The following ABCA12 variants were observed in gnomAD, a reference collection of about 807,000 sequenced individuals.
ABCA12 encodes ATP binding cassette subfamily A member 12.
In ABCA12, 156 loss-of-function variants were observed where a neutral mutation model predicts 293.5. That is an observed-to-expected ratio of 0.53 (90% confidence interval 0.47 to 0.61). The LOEUF (loss-of-function observed/expected upper bound fraction) is 0.61. ABCA12 is among the 20% of genes least tolerant of loss of function. ABCA12 has a pLI of 0.00. For missense variants in ABCA12, 2,797 were observed against 3,090.2 expected, an observed-to-expected ratio of 0.91 and a Z score of 2.25; for synonymous variants, 1,063 against 1,108.0, an observed-to-expected ratio of 0.96 and a Z score of 0.81.
intron 39 of ABCA12, among the ~76,000 whole-genome samples, chr2:214,964,156 G>A (rs375744558): frequency 2.6e-5 from 4 of 151,976 alleles, no homozygotes; most frequent in Admixed American, 6.6e-5. Context: ...CCATAGACGC[G>A]GATAAGGCAT....
At chr2:215,020,538 G>C (rs1314609802) in intron 11 of ABCA12, among the ~76,000 whole-genome samples, 1 of 152,168 alleles carries the variant, frequency 6.6e-6, no homozygotes, top group Non-Finnish European at 1.5e-5. Context: ...GGAAGTAGAA[G>C]ATGAGGAGTT....
chr2:215,091,365 A>T (rs1575037841), intron 2 of ABCA12, among the ~76,000 whole-genome samples: 1 of 152,212 alleles, frequency 6.6e-6, no homozygotes, highest in South Asian at 2.1e-4. Context: ...GCCCTCCCCA[A>T]CCTGCCCAAT....
At chr2:214,945,330 C>T (rs1209696143) in intron 48 of ABCA12, among the ~76,000 whole-genome samples, 1 of 152,064 alleles carries the variant, frequency 6.6e-6, no homozygotes, top group Non-Finnish European at 1.5e-5. Context: ...GAAGTTGACA[C>T]CCTGTTACTT....
chr2:215,052,621 A>T, intron 4 of ABCA12, 37 bp from the exon 5 acceptor site: 1 of 1,507,456 alleles, frequency 6.6e-7, no homozygotes, highest in South Asian at 1.1e-5. Flanking sequence ...CATTCCACAC[A>T]CACACACACA....
intron 2 of ABCA12, among the ~76,000 whole-genome samples, chr2:215,078,232 T>C (rs1218039413): frequency 6.6e-6 from 1 of 152,174 alleles, no homozygotes; most frequent in African/African-American, 2.4e-5. Flanking sequence ...TGCAGTTTCT[T>C]AAGATTTTTA....
chr2:214,958,360 G>C lies in ABCA12; in HGVS notation c.6034C>G (p.His2012Asp), dbSNP rs764606171. The C allele has an allele frequency of 6.2e-7, 1 of 1,614,012 alleles. No individual in the cohort carries two copies. Among genetic ancestry groups the C allele is most frequent in the South Asian group, 1.1e-5 (1 of 91,080 alleles). The stretch of plus-strand genomic sequence containing the variant: ...TGCAACTGTTTGGCTTTGGTTTGAT[G>C]TTCCCTTACAACATAGGTGACAAAG... ...ASFVTYVVRE[H>D]QTKAKQLQHI... Residue 2012 changes from histidine to aspartate, a missense_variant, in exon 41 of 53, where the codon CAT (histidine) becomes GAT (aspartate). Physicochemically the swap from His to Asp is moderately conservative, Grantham distance 81. Around this residue, in one of 3 missense-constraint regions of ABCA12, gnomAD observed 2,130 missense variants for 2,427.0 expected, o/e 0.88. Coordinates refer to ENST00000272895, the MANE Select transcript of ABCA12 (RefSeq NM_173076.3).
rs141323616 is a variant in ABCA12, at chr2:214,988,726, A to G, written c.3829+603T>C. Among the ~76,000 whole-genome samples the G allele has an allele frequency of 9.4e-3, 1,435 of 152,236 alleles. 12 individuals are homozygous for G. The highest frequency in any genetic ancestry group is 0.017 in the Non-Finnish European group (1,136 of 68,006). On this transcript the variant is annotated intron_variant, in intron 26 of 52. Coordinates refer to ENST00000272895, the MANE Select transcript of ABCA12 (RefSeq NM_173076.3). ...TTTAGAGAGACTGGATTGATTTGACACTATTCTAAGCTTCTTAATTCACTC... is the reference window on the plus strand; with the variant it reads ...TTTAGAGAGACTGGATTGATTTGACGCTATTCTAAGCTTCTTAATTCACTC...
intron 2 of ABCA12, among the ~76,000 whole-genome samples, chr2:215,083,321 AAG>A (rs1473988702): frequency 1.3e-5 from 2 of 152,204 alleles, no homozygotes; most frequent in Admixed American, 6.5e-5. Flanking sequence ...TTTATAAGGA[AAG>A]GAGGCTGCAT....
chr2:214,988,452 G>T (rs2105973684), intron 26 of ABCA12, among the ~76,000 whole-genome samples: 1 of 152,260 alleles, frequency 6.6e-6, no homozygotes, highest in South Asian at 2.1e-4. Context: ...GGCAATCATT[G>T]ATCTGCCTTC....
chr2:214,993,459 G>A lies in ABCA12; in HGVS notation c.3295-2428C>T, dbSNP rs370853466. On this transcript the variant is annotated intron_variant, in intron 23 of 52. Transcript: ENST00000272895. ...CCCTACCCCATTTGAAAAAATTACT[G>A]TGTCATGTTTGGCGACTATTTCAGA... is the stretch of plus-strand genomic sequence containing the variant. Among the ~76,000 whole-genome samples, 10 of 152,294 alleles carry A rather than the reference G, an allele frequency of 6.6e-5. No individual in the cohort carries two copies. The East Asian group carries it at 1.7e-3, about 26-fold the overall frequency.
chr2:214,937,609 T>G lies in ABCA12; in HGVS notation c.7443A>C (p.Gly2481=), dbSNP rs149660639. 9 of 1,613,314 alleles carry G rather than the reference T, an allele frequency of 5.6e-6. No individual in the cohort carries two copies. In the African/African-American group the frequency reaches 1.2e-4, roughly 22 times the overall value. Residue 2481 remains glycine, a synonymous_variant, in exon 51 of 53, where the codon GGA becomes GGC. Coordinates refer to ENST00000272895, the MANE Select transcript of ABCA12 (RefSeq NM_173076.3). ...GSLQHIKSRF[G]RGFTVKVHLK... The stretch of plus-strand genomic sequence containing the variant: ...AGTGAACTTTGACAGTAAATCCTCG[T>G]CCAAACCTAGAAAGAAAAAGTGCAA...
intron 23 of ABCA12, among the ~76,000 whole-genome samples, chr2:214,995,521 C>T (rs1184634666): frequency 1.3e-5 from 2 of 152,100 alleles, no homozygotes; most frequent in African/African-American, 2.4e-5. Flanking sequence ...CGTTCTACTG[C>T]CAGATCTACC....
intron 23 of ABCA12, among the ~76,000 whole-genome samples, chr2:214,997,032 T>C (rs900906600): frequency 1.3e-5 from 2 of 152,208 alleles, no homozygotes; most frequent in Non-Finnish European, 2.9e-5. Context: ...TTATCATAAA[T>C]TCTAAAAAGA....
Position 214,956,789 on chromosome 2 carries a change from A to T in ABCA12, c.6118-11T>A. ...CACCAAGTAGAAAACCTATGGAAATATTCAAAACAATGTTTAATACGTGAC... is the reference window on the plus strand; with the variant it reads ...CACCAAGTAGAAAACCTATGGAAATTTTCAAAACAATGTTTAATACGTGAC... On this transcript the variant is annotated splice_polypyrimidine_tract_variant and intron_variant, in intron 41 of 52. Coordinates refer to ENST00000272895, the MANE Select transcript of ABCA12 (RefSeq NM_173076.3). 6.4e-7 allele frequency: 1 copy of T among 1,570,222 alleles called. No individual in the cohort carries two copies. The highest frequency in any genetic ancestry group is 1.1e-5 in the South Asian group (1 of 90,132).
In ABCA12 at chr2:215,019,264, T is replaced by C. The variant is rs1403835; in HGVS notation, c.1657+72A>G. On this transcript the variant is annotated intron_variant, in intron 13 of 52. Coordinates refer to ENST00000272895, the MANE Select transcript of ABCA12 (RefSeq NM_173076.3). ...GTTTGGTTGGGAACTTCAAAAAAGCTTTCTTAAACTGCAGCGTGAGAATCA... is the reference window on the plus strand; with the variant it reads ...GTTTGGTTGGGAACTTCAAAAAAGCCTTCTTAAACTGCAGCGTGAGAATCA... The C allele has an allele frequency of 1, 1,426,923 of 1,427,478 alleles. 713,186 individuals carry two copies. Among genetic ancestry groups the C allele is most frequent in the East Asian group, 1 (43,986 of 43,986 alleles). The allele number at this position is 1,427,478 out of a possible 1,614,324, so 88.4% of individuals were successfully genotyped here. A position where few individuals can be genotyped will look rare whatever the true frequency, so the allele number is the denominator to read the frequency against.
In ABCA12 at chr2:214,958,283, A is replaced by G. The variant is rs1394111582; in HGVS notation, c.6111T>C (p.Tyr2037=). Residue 2037 remains tyrosine (Y), a synonymous_variant, in exon 41 of 53, where the codon TAT becomes TAC. Coordinates refer to ENST00000272895, the MANE Select transcript of ABCA12 (RefSeq NM_173076.3). ...VTCYWVTNFI[Y]DMVFYLVPVA... ...AAGGACATAAGTTACTCACCATGTC[A>G]TAAATGAAGTTTGTTACCCAGTAGC... 11 of 1,613,848 alleles carry G rather than the reference A, an allele frequency of 6.8e-6. No individual in the cohort carries two copies. Among genetic ancestry groups the G allele is most frequent in the South Asian group, 1.1e-5 (1 of 91,082 alleles).
At chr2:215,103,785 T>C (rs902801831) in intron 2 of ABCA12, among the ~76,000 whole-genome samples, 1 of 152,130 alleles carries the variant, frequency 6.6e-6, no homozygotes, top group Non-Finnish European at 1.5e-5. Context: ...TTTGTTTAGT[T>C]TAGTTTTGTT....
At chr2:214,969,291 G>A (rs1044947807) in intron 37 of ABCA12, among the ~76,000 whole-genome samples, 1 of 151,982 alleles carries the variant, frequency 6.6e-6, no homozygotes, top group African/African-American at 2.4e-5. Flanking sequence ...AGGGCAAGTT[G>A]GGTCTTGTCA....
At chr2:215,039,307 A>AT (rs1404912038) in intron 7 of ABCA12, among the ~76,000 whole-genome samples, 2 of 152,256 alleles carry the variant, frequency 1.3e-5, no homozygotes, top group African/African-American at 4.8e-5. Context: ...AAAGATTAAG[A>AT]TAAACCAATG....
Sources: allele counts gnomAD v4.1 joint callset (sites outside exome capture counted in the v4.1 genomes callset), GRCh38; gene constraint gnomAD v4.1.1; regional missense constraint gnomAD v4.1.1; transcripts MANE v1.5; gene names NCBI Gene and HGNC (gene_info 2026-07-23, HGNC 2026-07-21).